Variants in NEK1 observed in about 807,000 individuals in gnomAD.
NEK1 encodes the protein serine/threonine-protein kinase Nek1.
NEK1 carries 137 observed loss-of-function variants against 182.1 expected under a neutral mutation model. The observed-to-expected ratio is 0.75, with a 90% CI of 0.65 to 0.87. NEK1 has a LOEUF of 0.87. NEK1 is among the 40% of genes least tolerant of loss of function. The pLI is 0.00. For missense variants in NEK1, 1,391 were observed against 1,494.4 expected (o/e 0.93, Z 1.14); for synonymous variants, 513 against 492.2 (o/e 1.04, Z -0.56).
At position 169,506,897 on chromosome 4, in the gene NEK1, T is replaced by C. The variant is rs1253654228; in HGVS notation, c.2007+140A>G. 4 of 439,668 alleles carry C rather than the reference T, an allele frequency of 9.1e-6. No individual in the cohort carries two copies. The Admixed American group carries it at 1.6e-4, about 18-fold the overall frequency. The allele number at this position is 439,668 out of a possible 1,614,324, so 27.2% of individuals were successfully genotyped here. A position where few individuals can be genotyped will look rare whatever the true frequency, so the allele number is the denominator to read the frequency against. ...GAGAGACTGAGAAAGAGAGAGGTAA[T>C]GAGAAAGGGTGAGAGAGAGAATGAG... On this transcript the variant is annotated intron_variant, in intron 23 of 35. Transcript: ENST00000507142.
chr4:169,441,870 A>G (rs376007977), intron 27 of NEK1, among the ~76,000 whole-genome samples: 3 of 152,224 alleles, frequency 2.0e-5, no homozygotes, highest in South Asian at 4.2e-4. Flanking sequence ...GATGCCCCCA[A>G]TAGTGCTATG....
At position 169,477,200 on chromosome 4, in the gene NEK1, C is replaced by T. The variant is rs879770344; in HGVS notation, c.2358G>A (p.Lys786=). 1.4e-5 allele frequency: 22 copies of T among 1,608,370 alleles called. No homozygotes were observed. Among genetic ancestry groups the T allele is most frequent in the Non-Finnish European group, 1.6e-5 (19 of 1,177,166 alleles). ...CAAGTTGACCTCCTGCCTCCCACTT[C>T]TTGCGATCAGATGAAACTGATTTTT... ...EKEKSVSSDR[K]KWEAGGQLVI... The change falls in exon 26 of 36, where the codon AAG becomes AAA. Residue 786 remains lysine, a synonymous_variant. Transcript: ENST00000507142.
chr4:169,527,742 A>C (rs774357188), intron 19 of NEK1, among the ~76,000 whole-genome samples: 59 of 152,192 alleles, frequency 3.9e-4, no homozygotes, highest in Non-Finnish European at 7.2e-4. Flanking sequence ...GGGAAATGGA[A>C]AGAGAGAAAC....
chr4:169,575,404 T>C (rs1765533130), intron 12 of NEK1, among the ~76,000 whole-genome samples: 1 of 152,228 alleles, frequency 6.6e-6, no homozygotes, highest in African/African-American at 2.4e-5. Context: ...CTGATTAGTG[T>C]GTTTCCTTTC....
At chr4:169,601,823 G>A (rs1770539606) in intron 4 of NEK1, among the ~76,000 whole-genome samples, 185 bp downstream of exon 4, 1 of 150,570 alleles carries the variant, frequency 6.6e-6, no homozygotes, top group African/African-American at 2.5e-5. Context: ...GCCACTGAGC[G>A]AGACTGTCTC....
intron 19 of NEK1, among the ~76,000 whole-genome samples, chr4:169,521,750 G>T (rs1369722912): frequency 6.6e-6 from 1 of 152,118 alleles, no homozygotes; most frequent in Non-Finnish European, 1.5e-5. Context: ...GAAAAATGTT[G>T]TACCACTTCC....
intron 2 of NEK1, among the ~76,000 whole-genome samples, chr4:169,610,803 G>A (rs1772197444): frequency 6.6e-6 from 1 of 152,182 alleles, no homozygotes; most frequent in Non-Finnish European, 1.5e-5. Flanking sequence ...GTCTTGAAGG[G>A]AAACATGGTA....
At chr4:169,493,512 G>A (rs148932430) in intron 23 of NEK1, among the ~76,000 whole-genome samples, 5 of 152,292 alleles carry the variant, frequency 3.3e-5, no homozygotes, top group Admixed American at 6.5e-5. Context: ...CACAAGATCT[G>A]AGAGGAAGTT....
At chr4:169,470,610 C>G (rs757983910) in intron 26 of NEK1, among the ~76,000 whole-genome samples, 1 of 152,274 alleles carries the variant, frequency 6.6e-6, no homozygotes, top group South Asian at 2.1e-4. Flanking sequence ...GGTTGCTCTT[C>G]GCAAGGAGTA....
In NEK1 at chr4:169,415,090, T is replaced by G. The variant is rs547784307; in HGVS notation, c.3223-8343A>C. 5.3e-5 allele frequency among the ~76,000 whole-genome samples: 8 copies of G among 152,312 alleles called. No individual in the cohort carries two copies. The South Asian group carries it at 1.7e-3, about 32-fold the overall frequency. Reference sequence around the variant, plus strand: ...CAGTGCCATCCACTGAATAATCTATTAAAAGCTATATTGCAAAATGTGACT... The same window carrying G: ...CAGTGCCATCCACTGAATAATCTATGAAAAGCTATATTGCAAAATGTGACT... On this transcript the variant is annotated intron_variant, in intron 31 of 35. Coordinates refer to ENST00000507142, the MANE Select transcript of NEK1 (RefSeq NM_001199397.3).
chr4:169,482,926 C>CA (rs1171914317), intron 23 of NEK1, among the ~76,000 whole-genome samples: 1 of 152,186 alleles, frequency 6.6e-6, no homozygotes, highest in Non-Finnish European at 1.5e-5. Flanking sequence ...TGAGCCACTG[C>CA]ACCTGGTCTG....
At chr4:169,400,681 A>T in intron 33 of NEK1, 30 bp from the exon 34 acceptor site, 1 of 1,510,530 alleles carries the variant, frequency 6.6e-7, no homozygotes. Flanking sequence ...TAGAGATTTG[A>T]TTTAAAAAGA....
intron 18 of NEK1, among the ~76,000 whole-genome samples, chr4:169,544,599 G>GTTTTTTTTTTTTTTTTTTTTT (rs139478702): frequency 1.5e-5 from 1 of 66,268 alleles, no homozygotes. Flanking sequence ...TCTGGTCATG[G>GTTTTTTTTTTTTTTTTTTTTT]TTTTTTTTTT....
chr4:169,414,288 G>T (rs770841572), intron 31 of NEK1, among the ~76,000 whole-genome samples: 3 of 151,784 alleles, frequency 2.0e-5, no homozygotes, highest in Non-Finnish European at 2.9e-5. Context: ...CAACAGAAAG[G>T]TCAGTATAAT....
intron 31 of NEK1, among the ~76,000 whole-genome samples, chr4:169,410,216 A>T (rs897598738): frequency 1.3e-5 from 2 of 152,144 alleles, no homozygotes; most frequent in Non-Finnish European, 2.9e-5. Flanking sequence ...CAAGATTGTT[A>T]CATGATAATT....
chr4:169,571,895 AT>A (rs57480182), intron 12 of NEK1, among the ~76,000 whole-genome samples: 26 of 137,170 alleles, frequency 1.9e-4, no homozygotes, highest in African/African-American at 3.9e-4. Flanking sequence ...TGCCCAGCTA[AT>A]TTTTTTTTTT....
At chr4:169,406,451 C>T (rs1252610251) in intron 32 of NEK1, 145 bp downstream of exon 32, 1 of 524,082 alleles carries the variant, frequency 1.9e-6, no homozygotes. Context: ...GACCCTGTCT[C>T]TTAAAATAGA....
At chr4:169,583,501 C>A (rs1767026989) in intron 10 of NEK1, among the ~76,000 whole-genome samples, 2 of 152,236 alleles carry the variant, frequency 1.3e-5, no homozygotes, top group Admixed American at 1.3e-4. Flanking sequence ...TCAAATATCC[C>A]ATTTGTGAAT....
intron 23 of NEK1, among the ~76,000 whole-genome samples, chr4:169,480,510 T>TAACA (rs1747785712): frequency 1.0e-5 from 1 of 100,272 alleles, no homozygotes; most frequent in Non-Finnish European, 2.1e-5. Context: ...ACCTCATTCC[T>TAACA]AAAAAAAAAA....
Sources: gnomAD v4.1 joint callset for allele counts (sites outside exome capture counted in the v4.1 genomes callset) on GRCh38, gnomAD v4.1.1 for gene constraint, MANE v1.5 for transcripts, NCBI Gene and HGNC (gene_info 2026-07-23, HGNC 2026-07-21) for gene names.